Variants in FARS2 observed in about 807,000 individuals in gnomAD.
FARS2 encodes phenylalanyl-tRNA synthetase 2, mitochondrial.
Under a neutral mutation model 46.4 loss-of-function variants are expected in FARS2, and 40 were observed. The observed-to-expected ratio is 0.86, with a 90% CI of 0.67 to 1.12. The LOEUF (loss-of-function observed/expected upper bound fraction) is 1.12, where lower values mean the gene tolerates loss of function less well. Ranked by LOEUF, FARS2 falls within the 50% of genes most tolerant of loss-of-function variation. The pLI, the probability that FARS2 is intolerant of heterozygous loss-of-function variation, is 0.00. For missense variants in FARS2, 513 were observed against 567.9 expected, an observed-to-expected ratio of 0.90 and a Z score of 0.98; for synonymous variants, 234 against 214.9, an observed-to-expected ratio of 1.09 and a Z score of -0.78.
rs757911152 is a variant in FARS2 at position 5,630,936 on chromosome 6, A to C, written c.1217+17616A>C. On this transcript the variant is annotated intron_variant, in intron 6 of 6. Coordinates refer to ENST00000274680, the MANE Select transcript of FARS2 (RefSeq NM_006567.5). The surrounding 1 kb of genome is among the most constrained non-coding windows in gnomAD (Gnocchi z 4.2). Reference sequence around the variant, plus strand: ...GCACATGGGGGAGAAAACTTCTTAAAGTTGCATTTACTTCCCCTCAGTTTT... The same window carrying C: ...GCACATGGGGGAGAAAACTTCTTAACGTTGCATTTACTTCCCCTCAGTTTT... Among the ~76,000 whole-genome samples, 1 of 152,232 alleles carries C rather than the reference A, an allele frequency of 6.6e-6. No individual in the cohort carries two copies. The highest frequency in any genetic ancestry group is 1.5e-5 in the Non-Finnish European group (1 of 68,040).
At chr6:5,563,374 T>C (rs1294157679) in intron 5 of FARS2, among the ~76,000 whole-genome samples, 4 of 152,190 alleles carry the variant, frequency 2.6e-5, no homozygotes, top group African/African-American at 9.7e-5. Context: ...GGAATCTCCA[T>C]GTTTGGGTAG....
Position 5,389,852 on chromosome 6 carries a change from ATTGTTGTTT to A in FARS2, c.613-14684_613-14676del, listed in dbSNP as rs1350450020. ...TTTTGTTTTTGTCGTTGTTGTTGTT[ATTGTTGTTT>A]TTGTTTGTTTGTTTTTTTCCTGAGA... On this transcript the variant is annotated intron_variant, in intron 2 of 6. Coordinates refer to ENST00000274680, the MANE Select transcript of FARS2 (RefSeq NM_006567.5). Among the ~76,000 whole-genome samples the A allele has an allele frequency of 9.1e-5, 11 of 120,970 alleles. No individual in the cohort carries two copies. The East Asian group carries it at 3.5e-3, about 38-fold the overall frequency. 79.4% of individuals were successfully genotyped at this position (120,970 alleles called of 152,430 possible). A position where few individuals can be genotyped will look rare whatever the true frequency, so the allele number is the denominator to read the frequency against.
At chr6:5,539,384 G>GTGTCTATATATATATATATATATATATA in intron 4 of FARS2, among the ~76,000 whole-genome samples, 1 of 79,582 alleles carries the variant, frequency 1.3e-5, no homozygotes, top group Non-Finnish European at 2.8e-5. Flanking sequence ...TTTTTTTTGT[G>GTGTCTATATATATATATATATATATATA]TATATATATA....
intron 5 of FARS2, among the ~76,000 whole-genome samples, chr6:5,553,982 A>G (rs1771512494): frequency 6.6e-6 from 1 of 152,108 alleles, no homozygotes; most frequent in Non-Finnish European, 1.5e-5. Context: ...TCTCTGTTGC[A>G]CTCTCATTTT....
At chr6:5,325,611 T>G (rs1039424085) in intron 1 of FARS2, among the ~76,000 whole-genome samples, 11 of 152,186 alleles carry the variant, frequency 7.2e-5, no homozygotes, top group Non-Finnish European at 1.6e-4. Flanking sequence ...CCTAAACAAG[T>G]CTCAGGTAGA....
At chr6:5,569,559 T>C (rs1351896311) in intron 5 of FARS2, among the ~76,000 whole-genome samples, 2 of 152,090 alleles carry the variant, frequency 1.3e-5, no homozygotes, top group Non-Finnish European at 2.9e-5. Flanking sequence ...ACAACTTCAT[T>C]GTGGTGGTGG....
intron 4 of FARS2, among the ~76,000 whole-genome samples, chr6:5,523,370 G>A (rs1475774047): frequency 6.6e-6 from 1 of 152,118 alleles, no homozygotes; most frequent in Admixed American, 6.5e-5. Flanking sequence ...TTGACTGGTA[G>A]AGTTGGAATC....
At chr6:5,615,078 C>T (rs904013052) in intron 6 of FARS2, among the ~76,000 whole-genome samples, 1 of 152,180 alleles carries the variant, frequency 6.6e-6, no homozygotes, top group Non-Finnish European at 1.5e-5. Context: ...TTATCAGGCT[C>T]CACCTCAGTA....
intron 1 of FARS2, among the ~76,000 whole-genome samples, chr6:5,285,769 A>G (rs1275705385): frequency 6.6e-6 from 1 of 152,188 alleles, no homozygotes; most frequent in East Asian, 1.9e-4. Context: ...GTGGGTAGTA[A>G]GGGGCCATGA....
intron 6 of FARS2, among the ~76,000 whole-genome samples, chr6:5,625,204 A>G (rs1165428007): frequency 6.6e-6 from 1 of 152,178 alleles, no homozygotes; most frequent in Non-Finnish European, 1.5e-5. Flanking sequence ...GAAAGTCTCA[A>G]GGATATGCAG....
intron 6 of FARS2, chr6:5,695,385 G>C (rs1470011559): frequency 6.6e-6 from 1 of 152,264 alleles, no homozygotes; most frequent in African/African-American, 2.4e-5. Flanking sequence ...CTGCCTTCCA[G>C]AGAAACAGGA....
intron 4 of FARS2, among the ~76,000 whole-genome samples, chr6:5,520,672 AC>A (rs1769079058): frequency 6.6e-6 from 1 of 152,202 alleles, no homozygotes; most frequent in African/African-American, 2.4e-5. Context: ...TCAAACTGAC[AC>A]ATTTGCCAAT....
At chr6:5,431,013 C>T in intron 3 of FARS2, 28 bp from the exon 4 acceptor site, 2 of 1,609,780 alleles carry the variant, frequency 1.2e-6, no homozygotes, top group South Asian at 2.2e-5. Flanking sequence ...TTTAACACTA[C>T]TTATTTGTTT....
chr6:5,266,991 T>G (rs988087584), intron 1 of FARS2, among the ~76,000 whole-genome samples: 1 of 152,192 alleles, frequency 6.6e-6, no homozygotes, highest in Non-Finnish European at 1.5e-5. Flanking sequence ...GAAAATCTGT[T>G]CTCTGTTTTG....
intron 6 of FARS2, among the ~76,000 whole-genome samples, chr6:5,667,467 G>A (rs1262197219): frequency 6.6e-6 from 1 of 151,002 alleles, no homozygotes; most frequent in African/African-American, 2.4e-5. Flanking sequence ...GCAATGAGCC[G>A]AGATCACGCC....
intron 6 of FARS2, among the ~76,000 whole-genome samples, chr6:5,694,570 T>A (rs1304985277): frequency 6.6e-6 from 1 of 152,140 alleles, no homozygotes; most frequent in African/African-American, 2.4e-5. Flanking sequence ...CCATGATAAA[T>A]AGAATCAGAT....
intron 2 of FARS2, among the ~76,000 whole-genome samples, chr6:5,376,441 A>G (rs1759387259): frequency 6.6e-6 from 1 of 152,208 alleles, no homozygotes; most frequent in Non-Finnish European, 1.5e-5. Flanking sequence ...GAGTGTATAT[A>G]GTTACTGCCA....
intron 4 of FARS2, among the ~76,000 whole-genome samples, chr6:5,515,053 C>T (rs1194534294): frequency 6.6e-6 from 1 of 151,752 alleles, no homozygotes; most frequent in East Asian, 1.9e-4. Flanking sequence ...TGGGATTACA[C>T]GGACAAGCCT....
At chr6:5,394,489 C>T (rs370607937) in intron 2 of FARS2, among the ~76,000 whole-genome samples, 2 of 152,090 alleles carry the variant, frequency 1.3e-5, no homozygotes, top group South Asian at 2.1e-4. Context: ...GACAAAATTG[C>T]GTAATGAAGC....
Sources: allele counts gnomAD v4.1 joint callset (sites outside exome capture counted in the v4.1 genomes callset), GRCh38; gene constraint gnomAD v4.1.1; non-coding constraint Gnocchi (gnomAD v3.1); transcripts MANE v1.5; gene names NCBI Gene and HGNC (gene_info 2026-07-23, HGNC 2026-07-21).